The following SAMD4A variants were observed in gnomAD, a reference collection of about 807,000 sequenced individuals.
SAMD4A encodes the protein sterile alpha motif domain containing 4A, also known as protein Smaug homolog 1.
Under a neutral mutation model 81.3 loss-of-function variants are expected in SAMD4A, and 33 were observed. The ratio of observed to expected loss-of-function variants is 0.41; its 90% CI spans 0.31 to 0.54. The LOEUF (loss-of-function observed/expected upper bound fraction) is 0.54, where lower values mean the gene tolerates loss of function less well. Among genes scored for constraint, SAMD4A ranks in the 20% least tolerant of loss-of-function variants. SAMD4A has a pLI of 0.37. For synonymous variants in SAMD4A, 389 were observed against 382.1 expected (o/e 1.02, Z -0.21); for missense variants, 854 against 951.1 (o/e 0.90, Z 1.34).
chr14:54,769,560 A>G (rs1366866689), intron 8 of SAMD4A, among the ~76,000 whole-genome samples: 1 of 152,196 alleles, frequency 6.6e-6, no homozygotes, highest in Admixed American at 6.5e-5. Context: ...GGACTGGTAC[A>G]CTGGAATTTT....
chr14:54,789,685 A>C lies in SAMD4A; in HGVS notation c.*741A>C, dbSNP rs2039226553. 1 of 152,256 alleles carries C rather than the reference A, an allele frequency of 6.6e-6. No homozygotes were observed. 9.4% of individuals were successfully genotyped at this position (152,256 alleles called of 1,614,324 possible). A position where few individuals can be genotyped will look rare whatever the true frequency, so the allele number is the denominator to read the frequency against. On this transcript the variant is annotated 3_prime_UTR_variant, in exon 13 of 13. Coordinates refer to ENST00000554335, the MANE Select transcript of SAMD4A (RefSeq NM_015589.6). ...TTTTTCCCTCTATTTTTATAAGAGC[A>C]GCAGAGTTGTCTTCTCAAAACGGCT...
chr14:54,769,157 A>G (rs1210581553), intron 8 of SAMD4A, among the ~76,000 whole-genome samples: 1 of 152,134 alleles, frequency 6.6e-6, no homozygotes, highest in Non-Finnish European at 1.5e-5. Flanking sequence ...TGGGGTCCTC[A>G]CCATCTAGAA....
chr14:54,744,189 C>T (rs2037911431), intron 4 of SAMD4A, among the ~76,000 whole-genome samples: 1 of 152,212 alleles, frequency 6.6e-6, no homozygotes, highest in Admixed American at 6.5e-5. Flanking sequence ...ATGCCTTTCT[C>T]CCTGCCCTTC....
chr14:54,676,103 GAAC>G (rs902359119), intron 2 of SAMD4A, among the ~76,000 whole-genome samples: 1 of 152,172 alleles, frequency 6.6e-6, no homozygotes, highest in African/African-American at 2.4e-5. Flanking sequence ...GAAAGATGGA[GAAC>G]AACTGAGTAT....
chr14:54,726,884 C>T (rs572206629), intron 3 of SAMD4A, among the ~76,000 whole-genome samples: 4 of 152,002 alleles, frequency 2.6e-5, no homozygotes, highest in Non-Finnish European at 5.9e-5. Context: ...TTTGTATTTA[C>T]GTGTACAGAT....
Position 54,567,971 on chromosome 14 carries a change from G to T in SAMD4A, c.55G>T (p.Glu19Ter). 3 of 1,610,568 alleles carry T rather than the reference G, an allele frequency of 1.9e-6. No individual in the cohort carries two copies. Among genetic ancestry groups the T allele is most frequent in the Non-Finnish European group, 2.5e-6 (3 of 1,179,594 alleles). Residue 19 changes from glutamate (E) to a stop codon, truncating the protein, a stop_gained, in exon 2 of 13, where the codon GAG becomes TAG. Transcript: ENST00000554335. LOFTEE classifies it high-confidence loss of function. ...GGCGGGCTGGTTTAAGGGCTGGAAC[G>T]AGTGCGAGCAGACTGTTGCGCTGCT... Reference protein sequence around the residue: ...VLAGWFKGWNECEQTVALLSL... With the variant: ...VLAGWFKGWN
intron 2 of SAMD4A, among the ~76,000 whole-genome samples, chr14:54,569,432 C>T (rs1395056725): frequency 1.3e-5 from 2 of 152,156 alleles, no homozygotes; most frequent in East Asian, 1.9e-4. Context: ...GGACTGCACC[C>T]GAAAGATCCT....
intron 2 of SAMD4A, among the ~76,000 whole-genome samples, chr14:54,599,162 G>T (rs1040608875): frequency 2.6e-5 from 4 of 152,152 alleles, no homozygotes; most frequent in African/African-American, 9.7e-5. Flanking sequence ...GAGAAGAATT[G>T]CTGGGATAAT....
At chr14:54,712,105 A>G (rs1005467164) in intron 3 of SAMD4A, among the ~76,000 whole-genome samples, 1 of 152,136 alleles carries the variant, frequency 6.6e-6, no homozygotes, top group Admixed American at 6.6e-5. Context: ...GCCTTTGCAA[A>G]TGGCCTCTTG....
intron 2 of SAMD4A, among the ~76,000 whole-genome samples, chr14:54,674,670 C>G (rs2035952983): frequency 6.6e-6 from 1 of 152,172 alleles, no homozygotes; most frequent in African/African-American, 2.4e-5. Flanking sequence ...TATTGACATT[C>G]TTATCATTGT....
chr14:54,685,276 C>A lies in SAMD4A; in HGVS notation c.197-16786C>A, dbSNP rs2036232232. On this transcript the variant is annotated intron_variant, in intron 2 of 12. Coordinates refer to ENST00000554335, the MANE Select transcript of SAMD4A (RefSeq NM_015589.6). ...AACAATAACTCCCCATTCTTCCTGC[C>A]CCCCCCCCCAGCTCCTGGCAGCCAC... Among the ~76,000 whole-genome samples the A allele has an allele frequency of 1.5e-4, 3 of 19,980 alleles. 1 individual carries two copies. In the East Asian group the frequency reaches 2.2e-3, roughly 15 times the overall value. 13.1% of individuals were successfully genotyped at this position (19,980 alleles called of 152,430 possible).
At chr14:54,765,460 GA>G (rs11408246) in intron 8 of SAMD4A, among the ~76,000 whole-genome samples, 219 of 119,390 alleles carry the variant, frequency 1.8e-3, no homozygotes, top group Non-Finnish European at 2.4e-3. Flanking sequence ...CTGTCACTAC[GA>G]AAAAAAAAAA....
chr14:54,676,543 ATT>A (rs112299860), intron 2 of SAMD4A, among the ~76,000 whole-genome samples: 60 of 147,922 alleles, frequency 4.1e-4, no homozygotes, highest in African/African-American at 1.3e-3. Context: ...CACCCAGCTA[ATT>A]TTTTTTTTTT....
chr14:54,782,389 T>G (rs539786504), intron 11 of SAMD4A, among the ~76,000 whole-genome samples: 2 of 152,286 alleles, frequency 1.3e-5, no homozygotes, highest in African/African-American at 4.8e-5. Context: ...TTCTATTTTA[T>G]AGATTTCACA....
intron 8 of SAMD4A, among the ~76,000 whole-genome samples, chr14:54,769,881 C>T (rs569116666): frequency 2.6e-5 from 4 of 152,152 alleles, no homozygotes; most frequent in Non-Finnish European, 5.9e-5. Context: ...GGGTTGTCAA[C>T]AGTTTGATGC....
chr14:54,639,512 C>T (rs1475133298), intron 2 of SAMD4A, among the ~76,000 whole-genome samples: 3 of 152,196 alleles, frequency 2.0e-5, no homozygotes, highest in African/African-American at 7.2e-5. Context: ...CAAGTGGGGG[C>T]CACTCCTCAC....
Position 54,567,776 on chromosome 14 carries a change from C to G in SAMD4A, c.-141C>G, listed in dbSNP as rs1419059834. The G allele has an allele frequency of 1.4e-5, 11 of 790,414 alleles. No homozygotes were observed. The highest frequency in any genetic ancestry group is 2.1e-5 in the Non-Finnish European group (11 of 515,458). 49.0% of individuals were successfully genotyped at this position (790,414 alleles called of 1,614,324 possible). On this transcript the variant is annotated 5_prime_UTR_variant, in exon 2 of 13. Coordinates refer to ENST00000554335, the MANE Select transcript of SAMD4A (RefSeq NM_015589.6). Reference sequence around the variant, plus strand: ...AGAGAGGCAGGAGCCCAGGCAGTACCTGCAGCGTCCGGGCACCAGAGCCAC... The same window carrying G: ...AGAGAGGCAGGAGCCCAGGCAGTACGTGCAGCGTCCGGGCACCAGAGCCAC...
intron 2 of SAMD4A, among the ~76,000 whole-genome samples, chr14:54,657,027 G>A (rs1288564495): frequency 2.6e-5 from 4 of 151,932 alleles, no homozygotes; most frequent in Admixed American, 2.6e-4. Context: ...TTTTACAGTG[G>A]AAGCCAATAG....
chr14:54,644,197 C>T (rs187293913), intron 2 of SAMD4A, among the ~76,000 whole-genome samples: 2 of 152,278 alleles, frequency 1.3e-5, no homozygotes, highest in Admixed American at 1.3e-4. Context: ...TCAGCCCTTA[C>T]TGCTAAGGAG....
Sources: gnomAD v4.1 joint callset for allele counts (sites outside exome capture counted in the v4.1 genomes callset) on GRCh38, gnomAD v4.1.1 for gene constraint, MANE v1.5 for transcripts, NCBI Gene and HGNC (gene_info 2026-07-23, HGNC 2026-07-21) for gene names.